Variants in ADGRL2 observed in about 807,000 individuals in gnomAD.
ADGRL2 encodes the protein calcium-independent alpha-latrotoxin receptor 2.
Under a neutral mutation model 157.4 loss-of-function variants are expected in ADGRL2, and 44 were observed. The ratio of observed to expected loss-of-function variants is 0.28; its 90% CI spans 0.22 to 0.36. The LOEUF is 0.36. Ranked by LOEUF, ADGRL2 falls within the 10% of genes least tolerant of loss-of-function variation. The pLI, the probability that ADGRL2 is intolerant of heterozygous loss-of-function variation, is 1.00. For synonymous variants in ADGRL2, 585 were observed against 624.7 expected, an observed-to-expected ratio of 0.94 and a Z score of 0.95; for missense variants, 1,510 against 1,768.9, an observed-to-expected ratio of 0.85 and a Z score of 2.63.
At chr1:81,335,711 C>A (rs1257256619) in intron 1 of ADGRL2, among the ~76,000 whole-genome samples, 2 of 152,082 alleles carry the variant, frequency 1.3e-5, no homozygotes, top group Admixed American at 1.3e-4. Context: ...GTATGCATTT[C>A]TTTCACCATC....
intron 2 of ADGRL2, among the ~76,000 whole-genome samples, chr1:81,500,624 A>G (rs936629248): frequency 5.3e-5 from 8 of 152,180 alleles, no homozygotes; most frequent in Non-Finnish European, 1.0e-4. Flanking sequence ...AGAAAAATAT[A>G]AAAGAGGTTA....
chr1:81,480,823 A>G lies in ADGRL2; in HGVS notation c.-248+35734A>G, dbSNP rs552579145. On this transcript the variant is annotated intron_variant, in intron 2 of 24. Transcript: ENST00000370721. Reference sequence around the variant, plus strand: ...GTCATCTAGTACAGGAATTTACCCCACTCAGCACCCACATTCAACCATATA... The same window carrying G: ...GTCATCTAGTACAGGAATTTACCCCGCTCAGCACCCACATTCAACCATATA... 6.6e-5 allele frequency among the ~76,000 whole-genome samples: 10 copies of G among 152,244 alleles called. No homozygotes were observed. In the East Asian group the frequency reaches 1.4e-3, roughly 21 times the overall value.
intron 3 of ADGRL2, among the ~76,000 whole-genome samples, chr1:81,640,358 G>T (rs1375856274): frequency 6.6e-6 from 1 of 152,064 alleles, no homozygotes; most frequent in Admixed American, 6.6e-5. Context: ...TATAGGGCCG[G>T]GCGCGGTGGC....
At chr1:81,958,541 T>G (rs951840272) in intron 11 of ADGRL2, among the ~76,000 whole-genome samples, 15 of 152,194 alleles carry the variant, frequency 9.9e-5, no homozygotes, top group Non-Finnish European at 2.9e-5. Context: ...TTGGTTTAAC[T>G]TCATAGCATG....
chr1:81,698,812 C>G (rs2083498018), upstream of ADGRL2, among the ~76,000 whole-genome samples: 1 of 152,146 alleles, frequency 6.6e-6, no homozygotes, highest in Non-Finnish European at 1.5e-5. Context: ...TGGCATGTTT[C>G]TAAAATCTGG....
intron 1 of ADGRL2, among the ~76,000 whole-genome samples, chr1:81,814,118 T>C (rs1434725117): frequency 1.3e-5 from 2 of 151,772 alleles, no homozygotes; most frequent in African/African-American, 4.8e-5. Context: ...AGGAAATAGA[T>C]TGGTAACTGG....
chr1:81,788,509 T>C (rs1372747722), intron 2 of ADGRL2, among the ~76,000 whole-genome samples: 1 of 152,220 alleles, frequency 6.6e-6, no homozygotes, highest in Non-Finnish European at 1.5e-5. Context: ...TCAAGCTTCC[T>C]GTACAATCTG....
chr1:81,354,829 G>A (rs1208207155), intron 1 of ADGRL2, among the ~76,000 whole-genome samples: 1 of 152,114 alleles, frequency 6.6e-6, no homozygotes, highest in East Asian at 1.9e-4. Context: ...TACCAAATAG[G>A]TCTTAGTAAT....
In ADGRL2 at chr1:81,991,186, A is replaced by C; in HGVS notation, c.*41A>C. 1 of 1,542,656 alleles carries C rather than the reference A, an allele frequency of 6.5e-7. No individual in the cohort carries two copies. On this transcript the variant is annotated 3_prime_UTR_variant, in exon 24 of 24. Transcript: ENST00000686636. Reference sequence around the variant, plus strand: ...ATTCCAAGGGCCACATGCGAGTATTAATAAATAAAGACACCATTGGCCTGA... The same window carrying C: ...ATTCCAAGGGCCACATGCGAGTATTCATAAATAAAGACACCATTGGCCTGA...
chr1:81,925,968 C>T (rs984666481), intron 3 of ADGRL2, among the ~76,000 whole-genome samples: 9 of 151,822 alleles, frequency 5.9e-5, no homozygotes, highest in African/African-American at 1.2e-4. Context: ...TTAAAATAGC[C>T]GCAACACAAA....
chr1:81,557,091 TC>T (rs2080301398), intron 2 of ADGRL2: 1 of 181,512 alleles, frequency 5.5e-6, no homozygotes, highest in Non-Finnish European at 1.3e-5. Flanking sequence ...CAGCCCACTC[TC>T]AGGCTGACCA....
chr1:81,470,081 C>T (rs1035969717), intron 2 of ADGRL2, among the ~76,000 whole-genome samples: 11 of 152,138 alleles, frequency 7.2e-5, no homozygotes, highest in Non-Finnish European at 2.9e-5. Flanking sequence ...AACACGTGTT[C>T]CTTAAGTCAT....
intron 2 of ADGRL2, among the ~76,000 whole-genome samples, chr1:81,464,737 T>C (rs917664112): frequency 2.6e-5 from 4 of 152,176 alleles, no homozygotes; most frequent in Middle Eastern, 3.2e-3. Context: ...GCCGCTCTTT[T>C]TCCTTTTGAC....
At chr1:81,734,857 A>C (rs2084844422) in intron 1 of ADGRL2, among the ~76,000 whole-genome samples, 1 of 146,710 alleles carries the variant, frequency 6.8e-6, no homozygotes. Context: ...AACATGGAGA[A>C]ACCCTGTCTC....
intron 2 of ADGRL2, among the ~76,000 whole-genome samples, chr1:81,564,839 A>G (rs1277959434): frequency 2.0e-5 from 3 of 152,150 alleles, no homozygotes; most frequent in Admixed American, 6.6e-5. Context: ...ACTCTAGTCT[A>G]TATGTCTGGC....
At chr1:81,410,100 A>G (rs1317083627) in intron 1 of ADGRL2, among the ~76,000 whole-genome samples, 4 of 152,264 alleles carry the variant, frequency 2.6e-5, no homozygotes, top group South Asian at 2.1e-4. Flanking sequence ...CATGAAAGTC[A>G]GCCCAAACCC....
chr1:81,525,324 C>CTT (rs545415874), intron 2 of ADGRL2, among the ~76,000 whole-genome samples: 7 of 146,600 alleles, frequency 4.8e-5, no homozygotes, highest in Admixed American at 6.8e-5. Context: ...CCAAAGTGCA[C>CTT]TTTTTTTTTT....
chr1:81,864,399 C>T (rs1000429122), intron 2 of ADGRL2, among the ~76,000 whole-genome samples: 17 of 152,076 alleles, frequency 1.1e-4, no homozygotes, highest in African/African-American at 4.1e-4. Flanking sequence ...AACATTGAAA[C>T]AGTGTCTAGA....
intron 1 of ADGRL2, among the ~76,000 whole-genome samples, chr1:81,359,327 G>A (rs1295442602): frequency 6.6e-6 from 1 of 152,026 alleles, no homozygotes; most frequent in African/African-American, 2.4e-5. Context: ...AGACAGAGTG[G>A]TGAATAAGAC....
Sources: gnomAD v4.1 joint callset for allele counts (sites outside exome capture counted in the v4.1 genomes callset) on GRCh38, gnomAD v4.1.1 for gene constraint, MANE v1.5 for transcripts, NCBI Gene and HGNC (gene_info 2026-07-23, HGNC 2026-07-21) for gene names.